The following TRIM44 variants were observed in gnomAD, a reference collection of about 807,000 sequenced individuals.
The protein encoded by TRIM44 is tripartite motif containing 44.
Under a neutral mutation model 37.4 loss-of-function variants are expected in TRIM44, and 13 were observed. That is an observed-to-expected ratio of 0.35 (90% CI 0.23 to 0.55). The LOEUF (loss-of-function observed/expected upper bound fraction) is 0.55, where lower values mean the gene tolerates loss of function less well. Among genes scored for constraint, TRIM44 ranks in the 20% least tolerant of loss-of-function variants. The pLI is 0.89. For synonymous variants in TRIM44, 175 were observed against 157.2 expected (o/e 1.11, Z -0.85); for missense variants, 426 against 437.2 (o/e 0.97, Z 0.23).
intron 2 of TRIM44, among the ~76,000 whole-genome samples, chr11:35,698,184 A>T (rs1851732990): frequency 1.5e-5 from 2 of 135,472 alleles, no homozygotes; most frequent in Admixed American, 7.7e-5. Flanking sequence ...CCAGTCTATC[A>T]TTGTTGGACA....
chr11:35,699,414 G>A (rs566816863), intron 2 of TRIM44, among the ~76,000 whole-genome samples: 31 of 152,154 alleles, frequency 2.0e-4, no homozygotes, highest in South Asian at 2.1e-4. Context: ...CCTTCATGCT[G>A]AAAACTCTCA....
intron 4 of TRIM44, among the ~76,000 whole-genome samples, chr11:35,771,476 G>A (rs1237769636): frequency 2.0e-5 from 3 of 152,034 alleles, no homozygotes; most frequent in African/African-American, 4.8e-5. Context: ...CTGTAATCCC[G>A]GCACTTTGGG....
intron 4 of TRIM44, among the ~76,000 whole-genome samples, chr11:35,742,530 T>A (rs1197701931): frequency 2.3e-5 from 3 of 132,150 alleles, no homozygotes; most frequent in Admixed American, 8.2e-5. Context: ...AATTGTATTA[T>A]ATATAATTAT....
intron 2 of TRIM44, among the ~76,000 whole-genome samples, chr11:35,692,542 C>A (rs1851649453): frequency 6.6e-6 from 1 of 152,106 alleles, no homozygotes; most frequent in Non-Finnish European, 1.5e-5. Flanking sequence ...TTTCCTTTGT[C>A]AGTGCTCAAA....
At chr11:35,681,890 C>T (rs1851523967) in intron 1 of TRIM44, among the ~76,000 whole-genome samples, 1 of 151,650 alleles carries the variant, frequency 6.6e-6, no homozygotes, top group African/African-American at 2.4e-5. Context: ...TGGGGATACT[C>T]AGACTCAGAT....
intron 2 of TRIM44, among the ~76,000 whole-genome samples, chr11:35,691,996 A>G (rs1292387299): frequency 1.3e-5 from 2 of 152,200 alleles, no homozygotes; most frequent in African/African-American, 4.8e-5. Flanking sequence ...AGGTACTTGA[A>G]GTAGTTTCTA....
intron 1 of TRIM44, among the ~76,000 whole-genome samples, chr11:35,681,375 CT>C (rs1193161047): frequency 5.9e-5 from 9 of 152,156 alleles, no homozygotes; most frequent in African/African-American, 1.9e-4. Context: ...TGACTCATCC[CT>C]AGGAGGTGGC....
At chr11:35,697,313 G>A (rs950951293) in intron 2 of TRIM44, among the ~76,000 whole-genome samples, 2 of 149,658 alleles carry the variant, frequency 1.3e-5, no homozygotes, top group Non-Finnish European at 3.0e-5. Context: ...AACATGCAGT[G>A]TTTGGTTTTC....
intron 2 of TRIM44, among the ~76,000 whole-genome samples, chr11:35,712,219 TAGAA>T (rs1851983504): frequency 6.6e-6 from 1 of 152,088 alleles, no homozygotes; most frequent in Non-Finnish European, 1.5e-5. Flanking sequence ...ATATTCCCAA[TAGAA>T]AGAAGAAATC....
intron 3 of TRIM44, among the ~76,000 whole-genome samples, chr11:35,727,604 T>C (rs1288903441): frequency 2.6e-5 from 4 of 152,238 alleles, no homozygotes; most frequent in Admixed American, 2.6e-4. Context: ...AGTTTCTAGA[T>C]AGGCAAGAGA....
chr11:35,676,677 G>T (rs567366351), intron 1 of TRIM44, among the ~76,000 whole-genome samples: 27 of 152,266 alleles, frequency 1.8e-4, no homozygotes, highest in African/African-American at 6.5e-4. Context: ...TTTCTTTCTA[G>T]TAGGCAGTCA....
chr11:35,665,766 T>A (rs1250453631), intron 1 of TRIM44, among the ~76,000 whole-genome samples: 1 of 151,852 alleles, frequency 6.6e-6, no homozygotes. Context: ...AGCTAATTTT[T>A]GTATTTTTTT....
chr11:35,686,599 C>T (rs1403695616), intron 2 of TRIM44, among the ~76,000 whole-genome samples: 1 of 152,010 alleles, frequency 6.6e-6, no homozygotes, highest in Non-Finnish European at 1.5e-5. Flanking sequence ...CTCTGATGCC[C>T]AGGTTGGAGT....
chr11:35,696,663 G>C (rs539686857), intron 2 of TRIM44, among the ~76,000 whole-genome samples: 1 of 151,294 alleles, frequency 6.6e-6, no homozygotes, highest in Non-Finnish European at 1.5e-5. Context: ...CCTGGCCAAC[G>C]TGGTGAAACC....
At chr11:35,784,522 T>C (rs1396343063) in intron 4 of TRIM44, among the ~76,000 whole-genome samples, 2 of 152,220 alleles carry the variant, frequency 1.3e-5, no homozygotes, top group African/African-American at 4.8e-5. Flanking sequence ...CTACTTCTTT[T>C]AGGATTACTG....
At chr11:35,794,642 A>G (rs1853258000) in intron 4 of TRIM44, among the ~76,000 whole-genome samples, 1 of 152,224 alleles carries the variant, frequency 6.6e-6, no homozygotes, top group African/African-American at 2.4e-5. Flanking sequence ...TGCAGAGACA[A>G]TTAGAAAAGA....
chr11:35,727,723 T>C (rs1353559181), intron 3 of TRIM44, among the ~76,000 whole-genome samples: 4 of 152,196 alleles, frequency 2.6e-5, no homozygotes, highest in Non-Finnish European at 2.9e-5. Flanking sequence ...CCAATATCAT[T>C]TAGTCAGTAG....
At chr11:35,770,871 CCA>C (rs1852859524) in intron 4 of TRIM44, among the ~76,000 whole-genome samples, 1 of 152,118 alleles carries the variant, frequency 6.6e-6, no homozygotes, top group Non-Finnish European at 1.5e-5. Flanking sequence ...TCTCTTGCCA[CCA>C]CCGTGTAAGA....
chr11:35,760,337 G>T (rs753003500), intron 4 of TRIM44, among the ~76,000 whole-genome samples: 1 of 152,212 alleles, frequency 6.6e-6, no homozygotes, highest in Non-Finnish European at 1.5e-5. Flanking sequence ...TGCTAAGACC[G>T]TTGGAAAAGT....
Sources: gnomAD v4.1 joint callset for allele counts (sites outside exome capture counted in the v4.1 genomes callset) on GRCh38, gnomAD v4.1.1 for gene constraint, MANE v1.5 for transcripts, NCBI Gene and HGNC (gene_info 2026-07-23, HGNC 2026-07-21) for gene names.